Variants in FBXL7 observed in about 807,000 individuals in gnomAD.
FBXL7 encodes F-box and leucine rich repeat protein 7.
In FBXL7, 12 loss-of-function variants were observed where a neutral mutation model predicts 38.3. The observed-to-expected ratio is 0.31, with a 90% CI of 0.20 to 0.51. The LOEUF is 0.51. Ranked by LOEUF, FBXL7 falls within the 20% of genes least tolerant of loss-of-function variation. FBXL7 has a pLI of 0.98. For missense variants in FBXL7, 567 were observed against 676.4 expected (o/e 0.84, Z 1.79); for synonymous variants, 297 against 300.9 (o/e 0.99, Z 0.13).
chr5:15,596,678 C>T (rs1201049614), intron 1 of FBXL7, among the ~76,000 whole-genome samples: 2 of 152,194 alleles, frequency 1.3e-5, no homozygotes, highest in African/African-American at 2.4e-5. Flanking sequence ...CACAGAATCC[C>T]CAAGGCGGGG....
intron 2 of FBXL7, among the ~76,000 whole-genome samples, chr5:15,722,930 C>CAAAAAAAACAAACA (rs377502407): frequency 7.0e-6 from 1 of 142,080 alleles, no homozygotes; most frequent in Non-Finnish European, 1.5e-5. Context: ...TCAAAAAAAA[C>CAAAAAAAACAAACA]AAAAAAAAAA....
chr5:15,778,631 CT>C (rs1378353388), intron 2 of FBXL7, among the ~76,000 whole-genome samples: 1 of 152,110 alleles, frequency 6.6e-6, no homozygotes, highest in Non-Finnish European at 1.5e-5. Flanking sequence ...TTCTTTTCCA[CT>C]TTTTCTCATG....
At chr5:15,786,167 G>A (rs939806442) in intron 2 of FBXL7, among the ~76,000 whole-genome samples, 7 of 152,128 alleles carry the variant, frequency 4.6e-5, no homozygotes, top group Non-Finnish European at 4.4e-5. Context: ...CAGGATAGGC[G>A]TTTCTACCGG....
At chr5:15,832,475 AC>A (rs971290183) in intron 2 of FBXL7, among the ~76,000 whole-genome samples, 1 of 152,232 alleles carries the variant, frequency 6.6e-6, no homozygotes, top group Non-Finnish European at 1.5e-5. Flanking sequence ...TGGAATAATT[AC>A]CAGAAATGTG....
At position 15,719,856 on chromosome 5, in the gene FBXL7, C is replaced by A. The variant is rs749771491; in HGVS notation, c.127+103784C>A. ...AACATTCAGCTAAGTTCTCAAAGAG[C>A]GACCTTGGAAAGGAGAGAGAACAAC... is the stretch of plus-strand genomic sequence containing the variant. On this transcript the variant is annotated intron_variant, in intron 2 of 3. Coordinates refer to ENST00000504595, the MANE Select transcript of FBXL7 (RefSeq NM_012304.5). Among the ~76,000 whole-genome samples the A allele has an allele frequency of 1.1e-4, 17 of 148,752 alleles. 2 individuals are homozygous for A. Among genetic ancestry groups the A allele is most frequent in the Non-Finnish European group, 2.3e-4 (15 of 66,602 alleles).
At chr5:15,723,550 G>C (rs1373748666) in intron 2 of FBXL7, among the ~76,000 whole-genome samples, 1 of 152,194 alleles carries the variant, frequency 6.6e-6, no homozygotes, top group Admixed American at 6.5e-5. Context: ...TGCTGACATA[G>C]AGTTGAGAAA....
At chr5:15,681,320 C>A (rs540434707) in intron 2 of FBXL7, among the ~76,000 whole-genome samples, 72 of 152,232 alleles carry the variant, frequency 4.7e-4, no homozygotes, top group Admixed American at 9.8e-4. Flanking sequence ...TTGGAAATAA[C>A]CTGTATACTC....
Position 15,616,053 on chromosome 5 carries a change from GA to G in FBXL7, c.110del (p.Asn37MetfsTer10). 6.2e-7 allele frequency: 1 copy of G among 1,613,096 alleles called. No individual in the cohort carries two copies. Among genetic ancestry groups the G allele is most frequent in the Non-Finnish European group, 8.5e-7 (1 of 1,179,264 alleles). ...TDHTPTKAQK[N>X]VATSEDSDLS... ...ATCACACGCCCACTAAAGCCCAGAA[GA>G]ATGTGGCTACCAGCGAAGGTAGGCA... On this transcript the variant is annotated frameshift_variant, in exon 2 of 4. Coordinates refer to ENST00000504595, the MANE Select transcript of FBXL7 (RefSeq NM_012304.5). LOFTEE classifies it high-confidence loss of function.
chr5:15,685,235 A>C (rs139814954), intron 2 of FBXL7, among the ~76,000 whole-genome samples: 328 of 152,326 alleles, frequency 2.2e-3, no homozygotes, highest in African/African-American at 7.4e-3. Flanking sequence ...CATAGTGTGA[A>C]TATACGCTGG....
intron 2 of FBXL7, among the ~76,000 whole-genome samples, chr5:15,845,137 C>T (rs546046542): frequency 5.2e-4 from 79 of 152,336 alleles, no homozygotes; most frequent in African/African-American, 1.8e-3. Context: ...GTGTTGATCC[C>T]TCTGATTTAA....
At chr5:15,682,627 A>G (rs1742876614) in intron 2 of FBXL7, among the ~76,000 whole-genome samples, 1 of 152,134 alleles carries the variant, frequency 6.6e-6, no homozygotes. Flanking sequence ...TTGTTCTAAA[A>G]TCTTTATATC....
At chr5:15,880,721 T>TTATATATATATATATA (rs3034531) in intron 2 of FBXL7, among the ~76,000 whole-genome samples, 17 of 143,360 alleles carry the variant, frequency 1.2e-4, no homozygotes, top group Admixed American at 7.1e-4. Context: ...ATATACTATA[T>TTATATATATATATATA]TATATATATA....
intron 2 of FBXL7, among the ~76,000 whole-genome samples, chr5:15,829,063 G>GC (rs1356285318): frequency 2.6e-5 from 4 of 152,174 alleles, no homozygotes; most frequent in African/African-American, 7.2e-5. Context: ...ATCTACTGAA[G>GC]CCCAGGTCAC....
intron 1 of FBXL7, among the ~76,000 whole-genome samples, chr5:15,580,180 A>G (rs1375528135): frequency 4.6e-5 from 7 of 152,274 alleles, no homozygotes; most frequent in Admixed American, 2.0e-4. Flanking sequence ...TCTCTCTGCC[A>G]TGTGAGGATA....
intron 2 of FBXL7, among the ~76,000 whole-genome samples, chr5:15,769,054 C>G (rs997370606): frequency 9.9e-5 from 15 of 152,150 alleles, no homozygotes; most frequent in African/African-American, 3.6e-4. Context: ...ATTCCATGAA[C>G]AGACAGGCAG....
intron 2 of FBXL7, among the ~76,000 whole-genome samples, chr5:15,732,669 A>C (rs1029160749): frequency 6.6e-6 from 1 of 152,252 alleles, no homozygotes; most frequent in African/African-American, 2.4e-5. Flanking sequence ...ATTACGATCT[A>C]TAGAAGCCCC....
intron 1 of FBXL7, among the ~76,000 whole-genome samples, chr5:15,517,450 C>G (rs1417609690): frequency 6.6e-6 from 1 of 152,086 alleles, no homozygotes; most frequent in African/African-American, 2.4e-5. Context: ...AGAACTGAAT[C>G]TGGGAAGAAT....
At chr5:15,752,268 A>G (rs1035339574) in intron 2 of FBXL7, among the ~76,000 whole-genome samples, 1 of 152,106 alleles carries the variant, frequency 6.6e-6, no homozygotes, top group African/African-American at 2.4e-5. Context: ...CTTAAAGTAT[A>G]ATAATAAAAA....
intron 2 of FBXL7, among the ~76,000 whole-genome samples, chr5:15,639,953 GT>G (rs1741304906): frequency 6.6e-6 from 1 of 152,054 alleles, no homozygotes; most frequent in Non-Finnish European, 1.5e-5. Flanking sequence ...CTGTAGAAAG[GT>G]CTTTTCCGTA....
Sources: gnomAD v4.1 joint callset for allele counts (sites outside exome capture counted in the v4.1 genomes callset) on GRCh38, gnomAD v4.1.1 for gene constraint, MANE v1.5 for transcripts, NCBI Gene and HGNC (gene_info 2026-07-23, HGNC 2026-07-21) for gene names.